Variants in PCF11 observed in about 807,000 individuals in gnomAD.
PCF11 encodes the protein pre-mRNA cleavage complex 2 protein Pcf11.
Under a neutral mutation model 166.1 loss-of-function variants are expected in PCF11, and 19 were observed. That is an observed-to-expected ratio of 0.11 (90% CI 0.08 to 0.17). The LOEUF (loss-of-function observed/expected upper bound fraction) is 0.17, where lower values mean the gene tolerates loss of function less well. PCF11 is among the 10% of genes least tolerant of loss of function. The probability of loss-of-function intolerance (pLI) is 1.00; values close to 1 mark genes in which losing one functional copy is unlikely to be tolerated. For synonymous variants in PCF11, 663 were observed against 644.1 expected (o/e 1.03, Z -0.44); for missense variants, 1,565 against 1,855.5 (o/e 0.84, Z 2.88).
In PCF11 at chr11:83,167,084, A is replaced by G. The variant is rs1860491075; in HGVS notation, c.1818-41A>G. 2 of 1,500,968 alleles carry G rather than the reference A, an allele frequency of 1.3e-6. No homozygotes were observed. Among genetic ancestry groups the G allele is most frequent in the African/African-American group, 2.8e-5 (2 of 71,868 alleles). 93.0% of individuals were successfully genotyped at this position (1,500,968 alleles called of 1,614,324 possible). ...TAAATATGGTCCTGAGTATTTTTTA[A>G]AAAAACATTTCAATGTAACATACTG... On this transcript the variant is annotated intron_variant, in intron 5 of 15. Coordinates refer to ENST00000298281, the Ensembl canonical transcript of PCF11. This position sits in a 1 kb window ranked among gnomAD's most constrained non-coding sequence, Gnocchi z 4.2.
Position 83,165,658 on chromosome 11 carries a change from C to T in PCF11, c.761C>T (p.Ser254Phe), listed in dbSNP as rs1244988643. Residue 254 changes from serine to phenylalanine, a missense_variant, in exon 5 of 16, where the codon TCC becomes TTC. By Grantham distance (155) the Ser-to-Phe change is radical (BLOSUM62 -2). Coordinates refer to ENST00000298281, the Ensembl canonical transcript of PCF11. Reference sequence around the variant, plus strand: ...AATTTAGGTCCTGGATCTGCACCATCCAAATTACATGTTTCACAGATTCCC... The same window carrying T: ...AATTTAGGTCCTGGATCTGCACCATTCAAATTACATGTTTCACAGATTCCC... 1 of 1,613,640 alleles carries T rather than the reference C, an allele frequency of 6.2e-7. No individual in the cohort carries two copies. The highest frequency in any genetic ancestry group is 8.5e-7 in the Non-Finnish European group (1 of 1,179,674).
chr11:83,163,497 G>T (rs1860336631), intron 2 of PCF11, among the ~76,000 whole-genome samples, 182 bp from the exon 3 acceptor site: 1 of 152,038 alleles, frequency 6.6e-6, no homozygotes, highest in Admixed American at 6.6e-5. Flanking sequence ...GGTGAAAATG[G>T]TTTTAATTAC....
intron 11 of PCF11, among the ~76,000 whole-genome samples, chr11:83,178,829 C>G (rs546608044): frequency 6.6e-6 from 1 of 150,538 alleles, no homozygotes; most frequent in East Asian, 1.9e-4. Flanking sequence ...AAAAAAAAAT[C>G]TATTTTTCAT....
rs963209952 is a variant in PCF11 at position 83,157,145 on chromosome 11, T to A, written c.-295T>A. 1.2e-5 allele frequency: 7 copies of A among 562,082 alleles called. No individual in the cohort carries two copies. The highest frequency in any genetic ancestry group is 2.2e-5 in the Non-Finnish European group (7 of 315,608). 34.8% of individuals were successfully genotyped at this position (562,082 alleles called of 1,614,324 possible). On this transcript the variant is annotated 5_prime_UTR_variant, in exon 1 of 16. It adds an upstream start codon to the 5' untranslated region. Coordinates refer to ENST00000298281, the Ensembl canonical transcript of PCF11. ...TAGTTCATTTCGCACGACGCAGCGG[T>A]TGGGAACACAGACATTTTCGGAGCT...
chr11:83,166,648 A>T (rs1307424420), exon 5 of PCF11: 1 of 1,608,276 alleles, frequency 6.2e-7, no homozygotes, highest in Non-Finnish European at 8.5e-7. Flanking sequence ...CCAAAGGAGA[A>T]TGTAGAAAAC....
chr11:83,184,708 C>G lies in PCF11; in HGVS notation c.4482C>G (p.Pro1494=), dbSNP rs775310736. The change falls in exon 16 of 16, where the codon CCC becomes CCG. Residue 1494 remains proline (P), a synonymous_variant. Coordinates refer to ENST00000298281, the Ensembl canonical transcript of PCF11. ...CTTCATTTGATTGTACACCATCTCCCAGCAAGACACCAGTTGAAAACCCCT... is the reference window on the plus strand; with the variant it reads ...CTTCATTTGATTGTACACCATCTCCGAGCAAGACACCAGTTGAAAACCCCT... 5 of 1,612,520 alleles carry G rather than the reference C, an allele frequency of 3.1e-6. No homozygotes were observed. The East Asian group carries it at 8.9e-5, about 29-fold the overall frequency.
Position 83,167,198 on chromosome 11 carries a change from A to G in PCF11, c.1891A>G (p.Ile631Val), listed in dbSNP as rs1860496601. 1 of 1,613,796 alleles carries G rather than the reference A, an allele frequency of 6.2e-7. No individual in the cohort carries two copies. The highest frequency in any genetic ancestry group is 1.1e-5 in the South Asian group (1 of 91,074). Residue 631 changes from isoleucine (I) to valine (V), a missense_variant, in exon 6 of 16, where the codon ATT becomes GTT. Ile to Val is a conservative substitution (Grantham distance 29, BLOSUM62 3). This residue lies in a region of PCF11 where 468 missense variants were observed against 483.4 expected (regional missense o/e 0.97). Coordinates refer to ENST00000298281, the Ensembl canonical transcript of PCF11. The surrounding 1 kb of genome is among the most constrained non-coding windows in gnomAD (Gnocchi z 4.2). ...GGAGAGCTGGTCAAGCACTAAAGGA[A>G]TTTTATCACCTCGAGCCCCAAAGCA...
chr11:83,169,690 C>T lies in PCF11; in HGVS notation c.3355C>T (p.His1119Tyr), dbSNP rs17513642. Reference sequence around the variant, plus strand: ...TCTTCAAGGCACAAGATTTGACAATCATCCTTCACAAAGGCTTGAATCAGT... The same window carrying T: ...TCTTCAAGGCACAAGATTTGACAATTATCCTTCACAAAGGCTTGAATCAGT... The change falls in exon 8 of 16, where the codon CAT becomes TAT. Residue 1119 changes from histidine to tyrosine, a missense_variant. Physicochemically the swap from His to Tyr is moderately conservative, Grantham distance 83 (BLOSUM62 2). Coordinates refer to ENST00000298281, the Ensembl canonical transcript of PCF11. The T allele has an allele frequency of 4.5e-3, 7,236 of 1,613,854 alleles. 14 individuals carry two copies. Among genetic ancestry groups the T allele is most frequent in the Non-Finnish European group, 5.7e-3 (6,667 of 1,179,772 alleles).
exon 5 of PCF11, chr11:83,165,798 A>G (rs1267510996): frequency 6.2e-7 from 1 of 1,611,764 alleles, no homozygotes; most frequent in South Asian, 1.1e-5. Context: ...TCGTCTGAAC[A>G]GGATAAGCCA....
exon 16 of PCF11, chr11:83,187,213 ACG>A (rs1861323195): frequency 6.6e-6 from 1 of 152,190 alleles, no homozygotes; most frequent in African/African-American, 2.4e-5. Context: ...GCCCGCCACC[ACG>A]CCTGGCTAAT....
exon 16 of PCF11, chr11:83,186,977 A>G (rs1861313043): frequency 6.6e-6 from 1 of 152,392 alleles, no homozygotes; most frequent in South Asian, 2.1e-4. Context: ...TGGGGGAACA[A>G]AGACTGGTAG....
exon 5 of PCF11, chr11:83,165,790 G>A: frequency 1.2e-6 from 2 of 1,612,264 alleles, no homozygotes; most frequent in Non-Finnish European, 1.7e-6. Flanking sequence ...CGGGATCCTC[G>A]TCTGAACAGG....
intron 11 of PCF11, among the ~76,000 whole-genome samples, chr11:83,178,670 G>A (rs1199208595): frequency 1.3e-5 from 2 of 151,848 alleles, no homozygotes; most frequent in African/African-American, 4.8e-5. Context: ...AAAATTAGCC[G>A]GGCGCAGTGG....
rs116312789 is a variant in PCF11 at position 83,168,918 on chromosome 11, T to C, written c.2583T>C (p.Gly861=). Residue 861 remains glycine (G), a synonymous_variant, in exon 8 of 16, where the codon GGT becomes GGC. Transcript: ENST00000298281. ...GTCTGAGGTTTGAGGGATCTCCAGGTGGTTTGAGATTTGAGGGACCAGGAG... is the reference window on the plus strand; with the variant it reads ...GTCTGAGGTTTGAGGGATCTCCAGGCGGTTTGAGATTTGAGGGACCAGGAG... 2.1e-3 allele frequency: 3,367 copies of C among 1,613,276 alleles called. 31 individuals are homozygous for C. In the African/African-American group the frequency reaches 0.024, roughly 12 times the overall value.
chr11:83,174,974 T>C (rs1860823692), intron 9 of PCF11, among the ~76,000 whole-genome samples: 2 of 152,202 alleles, frequency 1.3e-5, no homozygotes, highest in African/African-American at 4.8e-5. Context: ...CTACGATATA[T>C]AAGGCAGTAT....
At chr11:83,180,937 A>G in intron 11 of PCF11, 71 bp from the exon 12 acceptor site, 2 of 803,754 alleles carry the variant, frequency 2.5e-6, no homozygotes, top group Non-Finnish European at 3.8e-6. Context: ...AAATTGAAAT[A>G]TTTGTAATTG....
chr11:83,169,477 C>T (rs1049225874), exon 8 of PCF11: 34 of 1,613,608 alleles, frequency 2.1e-5, no homozygotes, highest in Non-Finnish European at 2.6e-5. Flanking sequence ...TCAGCCGTCA[C>T]TCTTGCCAAG....
rs536511330 is a variant in PCF11 at position 83,170,421 on chromosome 11, C to G, written c.3660+426C>G. 1.4e-4 allele frequency among the ~76,000 whole-genome samples: 22 copies of G among 152,276 alleles called. No homozygotes were observed. In the East Asian group the frequency reaches 3.1e-3, roughly 21 times the overall value. ...CTTAACCTGAGTTAAATAAGAAGATCAAATTGTGTCCCTGCTTTCACAGTC... is the reference window on the plus strand; with the variant it reads ...CTTAACCTGAGTTAAATAAGAAGATGAAATTGTGTCCCTGCTTTCACAGTC... On this transcript the variant is annotated intron_variant, in intron 8 of 15. Coordinates refer to ENST00000298281, the Ensembl canonical transcript of PCF11.
chr11:83,181,088 C>A, exon 12 of PCF11: 1 of 1,604,142 alleles, frequency 6.2e-7, no homozygotes, highest in Non-Finnish European at 8.5e-7. Context: ...ACATCACAGA[C>A]AGATGTTTAT....
Sources: allele counts gnomAD v4.1 joint callset (sites outside exome capture counted in the v4.1 genomes callset), GRCh38; gene constraint gnomAD v4.1.1; regional missense constraint gnomAD v4.1.1; non-coding constraint Gnocchi (gnomAD v3.1); transcripts MANE v1.5; gene names NCBI Gene and HGNC (gene_info 2026-07-23, HGNC 2026-07-21).